PPP4R3B: variants seen among roughly 807,000 people sequenced by gnomAD.
PPP4R3B encodes protein phosphatase 4 regulatory subunit 3B, also known as serine/threonine-protein phosphatase 4 regulatory subunit 3B.
PPP4R3B carries 52 observed loss-of-function variants against 95.4 expected under a neutral mutation model. The observed-to-expected ratio is 0.54, with a 90% CI of 0.44 to 0.69. The LOEUF is 0.69. Ranked by LOEUF, PPP4R3B falls within the 30% of genes least tolerant of loss-of-function variation. The pLI is 0.00. For synonymous variants in PPP4R3B, 407 were observed against 343.9 expected (o/e 1.18, Z -2.03); for missense variants, 1,003 against 1,005.9 (o/e 1.00, Z 0.04).
At chr2:55,592,903 G>A (rs1468938971) in intron 4 of PPP4R3B, among the ~76,000 whole-genome samples, 2 of 152,178 alleles carry the variant, frequency 1.3e-5, no homozygotes, top group East Asian at 3.8e-4. Flanking sequence ...GCTCATGCCT[G>A]TAATCCCAGC....
intron 12 of PPP4R3B, among the ~76,000 whole-genome samples, chr2:55,572,080 A>G (rs1425420387): frequency 1.3e-5 from 2 of 152,348 alleles, no homozygotes; most frequent in East Asian, 3.9e-4. Context: ...TTGGCTATGT[A>G]TCTAGGAAAC....
At chr2:55,608,132 G>A (rs1400021149) in intron 2 of PPP4R3B, among the ~76,000 whole-genome samples, 1 of 152,124 alleles carries the variant, frequency 6.6e-6, no homozygotes, top group Non-Finnish European at 1.5e-5. Flanking sequence ...AGCCTCCTGA[G>A]TAGCTGGGAT....
At chr2:55,582,426 G>C (rs1267241747) in intron 7 of PPP4R3B, among the ~76,000 whole-genome samples, 3 of 152,054 alleles carry the variant, frequency 2.0e-5, no homozygotes, top group Non-Finnish European at 2.9e-5. Context: ...ACTAATTTTT[G>C]TATTTTTAGT....
chr2:55,601,818 T>C (rs1270469666), intron 3 of PPP4R3B, among the ~76,000 whole-genome samples: 1 of 152,228 alleles, frequency 6.6e-6, no homozygotes, highest in Non-Finnish European at 1.5e-5. Flanking sequence ...CTTATCTATA[T>C]AAATCTTATA....
At chr2:55,554,645 G>A (rs1226603512) in intron 16 of PPP4R3B, among the ~76,000 whole-genome samples, 1 of 152,170 alleles carries the variant, frequency 6.6e-6, no homozygotes, top group East Asian at 1.9e-4. Flanking sequence ...CTGGATACCA[G>A]TTACTTATCA....
rs1187352406 is a variant in PPP4R3B, at chr2:55,581,657, A to G, written c.1275T>C (p.Cys425=). The G allele has an allele frequency of 3.7e-6, 6 of 1,613,710 alleles. No individual in the cohort carries two copies. The South Asian group carries it at 6.6e-5, about 18-fold the overall frequency. ...CGCCTCCTAGCTCAGGATCAGTATC[A>G]CAGATCATTTGTTCAATTACCACAT... ...LINVVIEQMI[C]DTDPELGGAV... Residue 425 remains cysteine (C), a synonymous_variant, in exon 8 of 17, where the codon TGT becomes TGC. Transcript: ENST00000616407.
chr2:55,590,956 G>A (rs1447589426), intron 4 of PPP4R3B, among the ~76,000 whole-genome samples: 1 of 152,154 alleles, frequency 6.6e-6, no homozygotes, highest in Non-Finnish European at 1.5e-5. Flanking sequence ...ACAAGACACT[G>A]GGAGATGAAT....
Position 55,564,457 on chromosome 2 carries a change from C to A in PPP4R3B, c.2116G>T (p.Ala706Ser), listed in dbSNP as rs374171261. The A allele has an allele frequency of 3.1e-6, 5 of 1,612,464 alleles. No homozygotes were observed. The African/African-American group carries it at 6.7e-5, about 22-fold the overall frequency. ...TCTTCATCCTCTTCCAAGGCTTTTG[C>A]ATCTCTGCGAAATCTGTTACTACGC... ...ILRSNRFRRDAKALEEDEEMW... is the reference protein window; with the variant it reads ...ILRSNRFRRDSKALEEDEEMW... The change falls in exon 15 of 17, where the codon GCA (alanine) becomes TCA (serine). Residue 706 changes from alanine to serine, a missense_variant. Transcript: ENST00000616407.
chr2:55,575,171 A>G (rs912518182), intron 11 of PPP4R3B, among the ~76,000 whole-genome samples: 4 of 151,444 alleles, frequency 2.6e-5, no homozygotes, highest in Non-Finnish European at 4.4e-5. Flanking sequence ...CGATCTCCTG[A>G]CCTCATGATC....
chr2:55,579,088 C>CAA (rs1689089556), intron 9 of PPP4R3B, among the ~76,000 whole-genome samples: 1 of 152,080 alleles, frequency 6.6e-6, no homozygotes, highest in Non-Finnish European at 1.5e-5. Context: ...ATTCTGCACT[C>CAA]AGACTCCTTC....
In PPP4R3B at chr2:55,549,817, G is replaced by A. The variant is rs1452175438; in HGVS notation, c.*94C>T. ...TTGCTACTCCTTGTATATTTTATAA[G>A]TTCAATTGAGAAAGCTTTCTGATTC... is the stretch of plus-strand genomic sequence containing the variant. On this transcript the variant is annotated 3_prime_UTR_variant, in exon 17 of 17. Transcript: ENST00000616407. 2.1e-6 allele frequency: 2 copies of A among 934,912 alleles called. No individual in the cohort carries two copies. The highest frequency in any genetic ancestry group is 3.5e-6 in the Non-Finnish European group (2 of 573,658). 57.9% of individuals were successfully genotyped at this position (934,912 alleles called of 1,614,324 possible).
intron 2 of PPP4R3B, among the ~76,000 whole-genome samples, chr2:55,613,367 C>T (rs570790718): frequency 1.3e-5 from 2 of 148,526 alleles, no homozygotes; most frequent in African/African-American, 5.0e-5. Flanking sequence ...AAAAAAAAAG[C>T]CCAACGAAAA....
intron 2 of PPP4R3B, among the ~76,000 whole-genome samples, chr2:55,609,721 A>G (rs918348574): frequency 5.9e-5 from 9 of 152,118 alleles, no homozygotes; most frequent in African/African-American, 2.2e-4. Context: ...ATTTTACTGT[A>G]TGTAACTTCA....
At chr2:55,604,803 C>A (rs1041037452) in intron 2 of PPP4R3B, among the ~76,000 whole-genome samples, 2 of 151,956 alleles carry the variant, frequency 1.3e-5, no homozygotes, top group African/African-American at 4.8e-5. Context: ...TAGACACACA[C>A]ACACACACAC....
chr2:55,577,574 TA>T (rs909154543), intron 10 of PPP4R3B, among the ~76,000 whole-genome samples: 1 of 152,104 alleles, frequency 6.6e-6, no homozygotes, highest in Admixed American at 6.6e-5. Flanking sequence ...CAACATAGCA[TA>T]AATATTCTGA....
intron 16 of PPP4R3B, among the ~76,000 whole-genome samples, chr2:55,555,278 T>TAAAA (rs372423262): frequency 7.3e-5 from 8 of 108,848 alleles, no homozygotes; most frequent in Admixed American, 2.1e-4. Context: ...AGACTCCGTC[T>TAAAA]AAAAAAAAAA....
chr2:55,610,469 A>G (rs1186615890), intron 2 of PPP4R3B, among the ~76,000 whole-genome samples: 1 of 152,170 alleles, frequency 6.6e-6, no homozygotes, highest in African/African-American at 2.4e-5. Flanking sequence ...TTTTGTAGCA[A>G]GTGTATTTCC....
intron 13 of PPP4R3B, among the ~76,000 whole-genome samples, chr2:55,567,293 G>C (rs979058991): frequency 1.3e-5 from 2 of 152,140 alleles, no homozygotes; most frequent in Non-Finnish European, 1.5e-5. Flanking sequence ...ATAACTTTGG[G>C]TGTCTTAATT....
chr2:55,595,091 C>T (rs1451091049), intron 4 of PPP4R3B, among the ~76,000 whole-genome samples: 1 of 149,414 alleles, frequency 6.7e-6, no homozygotes, highest in Admixed American at 6.7e-5. Flanking sequence ...GTGGCACAAT[C>T]TCAGCTCACT....
Sources: gnomAD v4.1 joint callset for allele counts (sites outside exome capture counted in the v4.1 genomes callset) on GRCh38, gnomAD v4.1.1 for gene constraint, MANE v1.5 for transcripts, NCBI Gene and HGNC (gene_info 2026-07-23, HGNC 2026-07-21) for gene names.